The following TG variants were observed in gnomAD, a reference collection of about 807,000 sequenced individuals.
TG encodes thyroid hormones.
In TG, 270 loss-of-function variants were observed where a neutral mutation model predicts 324.7. The ratio of observed to expected loss-of-function variants is 0.83; its 90% CI spans 0.75 to 0.92. The LOEUF (loss-of-function observed/expected upper bound fraction) is 0.92. Among genes scored for constraint, TG ranks in the 40% least tolerant of loss-of-function variants. The pLI, the probability that TG is intolerant of heterozygous loss-of-function variation, is 0.00. For synonymous variants in TG, 1,401 were observed against 1,327.0 expected (o/e 1.06, Z -1.21); for missense variants, 3,591 against 3,456.4 (o/e 1.04, Z -0.98).
chr8:133,122,002 C>T (rs1286443745), intron 45 of TG, among the ~76,000 whole-genome samples: 1 of 152,172 alleles, frequency 6.6e-6, no homozygotes. Context: ...TCACATCTCT[C>T]ATTTTATTTC....
chr8:132,886,426 C>G (rs770934995), intron 8 of TG, 22 bp from the exon 9 acceptor site: 18 of 1,613,924 alleles, frequency 1.1e-5, no homozygotes, highest in Non-Finnish European at 1.5e-5. Flanking sequence ...CCTTTTCTCC[C>G]ATTTCACTTT....
At chr8:132,995,525 G>T (rs188276674) in intron 35 of TG, 1 of 985,362 alleles carries the variant, frequency 1.0e-6, no homozygotes. Flanking sequence ...AGATCAGATT[G>T]GTTGTTCACA....
chr8:133,093,052 C>G (rs1414180135), intron 41 of TG, among the ~76,000 whole-genome samples: 1 of 152,110 alleles, frequency 6.6e-6, no homozygotes, highest in African/African-American at 2.4e-5. Flanking sequence ...TGCCTGTGGG[C>G]CCTTCTGCTG....
chr8:132,961,005 C>A lies in TG; in HGVS notation c.5402-3C>A. ...TCATAAAAATAAACATCTTCCTTTG[C>A]AGGTCTGACACCCTTAGAAGGAACT... On this transcript the variant is annotated splice_polypyrimidine_tract_variant and splice_region_variant and intron_variant, in intron 27 of 47. Transcript: ENST00000220616. 6.2e-7 allele frequency: 1 copy of A among 1,613,926 alleles called. No homozygotes were observed. Among genetic ancestry groups the A allele is most frequent in the South Asian group, 1.1e-5 (1 of 91,076 alleles).
intron 10 of TG, 35 bp from the exon 11 acceptor site, chr8:132,893,655 G>A: frequency 6.2e-7 from 1 of 1,613,356 alleles, no homozygotes; most frequent in Non-Finnish European, 8.5e-7. Context: ...TCCACGTGGT[G>A]AGTGAGTCCA....
chr8:132,943,335 C>T (rs1824735337), intron 26 of TG, among the ~76,000 whole-genome samples: 1 of 152,154 alleles, frequency 6.6e-6, no homozygotes, highest in Non-Finnish European at 1.5e-5. Flanking sequence ...TGTAACATGC[C>T]TGCTCCCCCT....
chr8:133,119,323 G>A (rs1850954869), intron 45 of TG, among the ~76,000 whole-genome samples: 1 of 152,184 alleles, frequency 6.6e-6, no homozygotes, highest in South Asian at 2.1e-4. Flanking sequence ...GCTCTGCAGG[G>A]TTGAAATGGT....
intron 41 of TG, among the ~76,000 whole-genome samples, chr8:133,061,208 C>G (rs900006458): frequency 6.6e-6 from 1 of 152,176 alleles, no homozygotes; most frequent in Non-Finnish European, 1.5e-5. Flanking sequence ...TGGGGTTTCA[C>G]CATGTTGCCA....
intron 41 of TG, among the ~76,000 whole-genome samples, chr8:133,042,082 CG>C (rs1564106001): frequency 6.6e-6 from 1 of 151,970 alleles, no homozygotes; most frequent in African/African-American, 2.4e-5. Context: ...CCACCACACC[CG>C]GCTGTCAGTG....
At chr8:132,917,261 C>T (rs755646253) in intron 20 of TG, among the ~76,000 whole-genome samples, 5 of 152,006 alleles carry the variant, frequency 3.3e-5, no homozygotes, top group Non-Finnish European at 7.4e-5. Flanking sequence ...AAGCCTGTTA[C>T]ATCACAGCCA....
intron 29 of TG, chr8:132,964,772 T>G (rs1587604069): frequency 1.6e-6 from 1 of 631,518 alleles, no homozygotes; most frequent in Non-Finnish European, 2.8e-6. Flanking sequence ...CACAGGCTAG[T>G]GAGAATTCCA....
intron 32 of TG, among the ~76,000 whole-genome samples, chr8:132,971,485 C>G (rs1285523346): frequency 6.6e-6 from 1 of 152,162 alleles, no homozygotes; most frequent in Admixed American, 6.5e-5. Context: ...AGAGTACATT[C>G]TGGATCCTGG....
chr8:132,966,802 C>G, intron 30 of TG, 105 bp downstream of exon 30: 1 of 1,380,202 alleles, frequency 7.2e-7, no homozygotes, highest in South Asian at 1.2e-5. Flanking sequence ...AATTTTGTGT[C>G]ATAACTCATG....
At chr8:132,880,367 G>A (rs1814479737) in intron 5 of TG, among the ~76,000 whole-genome samples, 1 of 152,144 alleles carries the variant, frequency 6.6e-6, no homozygotes, top group African/African-American at 2.4e-5. Flanking sequence ...TTACAAAGTA[G>A]TGCTCAGTAA....
intron 35 of TG, among the ~76,000 whole-genome samples, chr8:132,984,679 C>T (rs1831301257): frequency 6.6e-6 from 1 of 152,146 alleles, no homozygotes; most frequent in South Asian, 2.1e-4. Context: ...TGCAGTGGCT[C>T]ACACCTGTAA....
intron 35 of TG, among the ~76,000 whole-genome samples, chr8:133,011,418 G>A (rs1028060347): frequency 2.0e-5 from 3 of 152,048 alleles, no homozygotes; most frequent in Non-Finnish European, 4.4e-5. Flanking sequence ...TCTCAGTACT[G>A]CAGGGGGTCT....
intron 41 of TG, among the ~76,000 whole-genome samples, chr8:133,089,672 T>TCC (rs908191515): frequency 6.6e-6 from 1 of 152,196 alleles, no homozygotes; most frequent in African/African-American, 2.4e-5. Flanking sequence ...ATTTGTTCAC[T>TCC]CCCTCACTCA....
chr8:132,979,722 T>TA (rs33977608), intron 34 of TG, among the ~76,000 whole-genome samples: 91,990 of 151,934 alleles, frequency 0.61, 29,103 homozygotes, highest in African/African-American at 0.74. Context: ...AGCTATTTTT[T>TA]ACTCACAACA....
At position 132,898,261 on chromosome 8, in the gene TG, C is replaced by A; in HGVS notation, c.3217+15C>A. 2 of 1,578,544 alleles carry A rather than the reference C, an allele frequency of 1.3e-6. No individual in the cohort carries two copies. The highest frequency in any genetic ancestry group is 8.6e-7 in the Non-Finnish European group (1 of 1,161,042). ...GATTCCACAGTGTAAGTGAAGACTGCAGAGTTCTCCTCCTGACCCCCCTTG... is the reference window on the plus strand; with the variant it reads ...GATTCCACAGTGTAAGTGAAGACTGAAGAGTTCTCCTCCTGACCCCCCTTG... On this transcript the variant is annotated intron_variant, in intron 13 of 47. Coordinates refer to ENST00000220616, the MANE Select transcript of TG (RefSeq NM_003235.5).
Sources: gnomAD v4.1 joint callset for allele counts (sites outside exome capture counted in the v4.1 genomes callset) on GRCh38, gnomAD v4.1.1 for gene constraint, MANE v1.5 for transcripts, NCBI Gene and HGNC (gene_info 2026-07-23, HGNC 2026-07-21) for gene names.